The following TAMM41 variants were observed in gnomAD, a reference collection of about 807,000 sequenced individuals.
TAMM41 encodes TAM41 mitochondrial translocator assembly and maintenance homolog, also known as phosphatidate cytidylyltransferase, mitochondrial.
TAMM41 carries 36 observed loss-of-function variants against 44.1 expected under a neutral mutation model. The observed-to-expected ratio is 0.82, with a 90% CI of 0.63 to 1.08. TAMM41 has a LOEUF of 1.08. Ranked by LOEUF, TAMM41 falls within the 50% of genes least tolerant of loss-of-function variation. TAMM41 has a pLI of 0.00. For synonymous variants in TAMM41, 164 were observed against 153.1 expected, an observed-to-expected ratio of 1.07 and a Z score of -0.53; for missense variants, 417 against 404.3, an observed-to-expected ratio of 1.03 and a Z score of -0.27.
chr3:11,746,235 C>A, the TAMM41 span, among the ~76,000 whole-genome samples: 1 of 146,524 alleles, frequency 6.8e-6, no homozygotes, highest in Non-Finnish European at 1.5e-5. Context: ...ACCCAGGAGG[C>A]GGAGCTTGCA....
intron 3 of TAMM41, among the ~76,000 whole-genome samples, chr3:11,832,474 A>G (rs2079020332): frequency 6.6e-6 from 1 of 152,220 alleles, no homozygotes; most frequent in South Asian, 2.1e-4. Flanking sequence ...GCCATTTTAT[A>G]TCAGAGACGT....
chr3:11,722,995 C>T, the TAMM41 span, among the ~76,000 whole-genome samples: 85 of 152,140 alleles, frequency 5.6e-4, no homozygotes, highest in African/African-American at 1.6e-3. Flanking sequence ...TGGTGGCTCA[C>T]ACCTGTAGTC....
intron 4 of TAMM41, among the ~76,000 whole-genome samples, chr3:11,819,933 C>T (rs1052776431): frequency 1.3e-5 from 2 of 152,064 alleles, no homozygotes; most frequent in African/African-American, 2.4e-5. Context: ...CTTAATTTTA[C>T]AGATGAGGAG....
At chr3:11,826,132 A>G (rs767293211) in intron 4 of TAMM41, among the ~76,000 whole-genome samples, 1 of 152,190 alleles carries the variant, frequency 6.6e-6, no homozygotes, top group Non-Finnish European at 1.5e-5. Flanking sequence ...TGGATGATTG[A>G]GCAAATAACA....
At chr3:11,837,088 A>C (rs2079212547) in intron 3 of TAMM41, among the ~76,000 whole-genome samples, 1 of 152,226 alleles carries the variant, frequency 6.6e-6, no homozygotes, top group Non-Finnish European at 1.5e-5. Context: ...CTACACTATG[A>C]AATTGTAAGC....
At chr3:11,801,129 T>G (rs1041461713) in intron 7 of TAMM41, among the ~76,000 whole-genome samples, 2 of 150,328 alleles carry the variant, frequency 1.3e-5, no homozygotes, top group African/African-American at 4.9e-5. Flanking sequence ...AGAAACATTC[T>G]TAAAGATAGA....
chr3:11,723,865 T>C, the TAMM41 span, among the ~76,000 whole-genome samples: 12 of 151,726 alleles, frequency 7.9e-5, no homozygotes, highest in Non-Finnish European at 1.8e-4. Context: ...GCGCCAGAAG[T>C]GTATTTTAAA....
At position 11,813,854 on chromosome 3, in the gene TAMM41, GTGTA is replaced by G. The variant is rs1362978407; in HGVS notation, c.708+3334_708+3337del. Among the ~76,000 whole-genome samples, 588 of 144,728 alleles carry G rather than the reference GTGTA, an allele frequency of 4.1e-3. 5 individuals are homozygous for G. Among genetic ancestry groups the G allele is most frequent in the African/African-American group, 0.014 (531 of 36,740 alleles). The allele number at this position is 144,728 out of a possible 152,430, so 94.9% of individuals were successfully genotyped here. On this transcript the variant is annotated intron_variant, in intron 5 of 7. Transcript: ENST00000455809. The stretch of plus-strand genomic sequence containing the variant: ...TGTGTGTGTGTGTGTGTGTGTGTGT[GTGTA>G]TGTATGTATATATATGTATATATGT...
At chr3:11,776,973 A>T in the TAMM41 span, among the ~76,000 whole-genome samples, 1 of 152,234 alleles carries the variant, frequency 6.6e-6, no homozygotes, top group Non-Finnish European at 1.5e-5. Context: ...ACACAGTAGA[A>T]TCGTAGTTCC....
chr3:11,807,581 C>T (rs935333758), intron 7 of TAMM41: 2 of 1,536,148 alleles, frequency 1.3e-6, no homozygotes, highest in African/African-American at 2.7e-5. Context: ...ACCCTGCACA[C>T]AGGAAGTGTC....
chr3:11,742,797 T>C, the TAMM41 span, among the ~76,000 whole-genome samples: 2 of 151,744 alleles, frequency 1.3e-5, no homozygotes, highest in Non-Finnish European at 2.9e-5. Context: ...GGTCTCGCCA[T>C]GTTGTCCAGG....
intron 7 of TAMM41, among the ~76,000 whole-genome samples, chr3:11,804,572 T>C (rs907234128): frequency 2.0e-5 from 3 of 152,320 alleles, no homozygotes; most frequent in Non-Finnish European, 4.4e-5. Flanking sequence ...TAATTCCTTA[T>C]AGCATGGGAC....
chr3:11,808,570 T>C (rs1470216291), intron 6 of TAMM41: 1 of 985,314 alleles, frequency 1.0e-6, no homozygotes, highest in Non-Finnish European at 1.2e-6. Flanking sequence ...GCGGAGGAGC[T>C]CAGTAAATAT....
the TAMM41 span, among the ~76,000 whole-genome samples, chr3:11,772,426 T>C: frequency 6.6e-6 from 1 of 152,140 alleles, no homozygotes; most frequent in Non-Finnish European, 1.5e-5. Flanking sequence ...ACCTATTGTT[T>C]AGCTGTCACA....
At chr3:11,762,953 A>G in the TAMM41 span, among the ~76,000 whole-genome samples, 1 of 152,154 alleles carries the variant, frequency 6.6e-6, no homozygotes, top group East Asian at 1.9e-4. Flanking sequence ...CAGGGGAATC[A>G]CTTGAACCCA....
At chr3:11,809,336 T>C in intron 6 of TAMM41, 181 bp downstream of exon 6, 1 of 643,200 alleles carries the variant, frequency 1.6e-6, no homozygotes, top group African/African-American at 1.8e-5. Flanking sequence ...TTCACCATCT[T>C]ACTTCAAACA....
the TAMM41 span, among the ~76,000 whole-genome samples, chr3:11,776,350 A>T: frequency 6.6e-6 from 1 of 151,844 alleles, no homozygotes; most frequent in African/African-American, 2.4e-5. Context: ...ACAGGGTCTC[A>T]CTATGTTGCT....
chr3:11,823,848 A>T (rs2078631723), intron 4 of TAMM41, among the ~76,000 whole-genome samples: 1 of 104,410 alleles, frequency 9.6e-6, no homozygotes. Context: ...TTTTTTTGAG[A>T]CAGAGTCTTA....
chr3:11,773,903 A>T, the TAMM41 span, among the ~76,000 whole-genome samples: 3 of 152,288 alleles, frequency 2.0e-5, no homozygotes, highest in African/African-American at 7.2e-5. Context: ...AGCCTGGCCA[A>T]CATGGCGAAA....
Sources: gnomAD v4.1 joint callset for allele counts (sites outside exome capture counted in the v4.1 genomes callset) on GRCh38, gnomAD v4.1.1 for gene constraint, MANE v1.5 for transcripts, NCBI Gene and HGNC (gene_info 2026-07-23, HGNC 2026-07-21) for gene names.